The following ERP29 variants were observed in gnomAD, a reference collection of about 807,000 sequenced individuals.
The protein encoded by ERP29 is endoplasmic reticulum protein 29.
In ERP29, 14 loss-of-function variants were observed where a neutral mutation model predicts 21.7. The observed-to-expected ratio is 0.64, with a 90% confidence interval of 0.43 to 1.01. The LOEUF is 1.01. Ranked by LOEUF, ERP29 falls within the 50% of genes least tolerant of loss-of-function variation. The pLI, the probability that ERP29 is intolerant of heterozygous loss-of-function variation, is 0.00. For synonymous variants in ERP29, 129 were observed against 139.1 expected, an observed-to-expected ratio of 0.93 and a Z score of 0.51; for missense variants, 286 against 327.3, an observed-to-expected ratio of 0.87 and a Z score of 0.97.
intron 1 of ERP29, among the ~76,000 whole-genome samples, chr12:112,018,092 T>C (rs1318550689): frequency 1.3e-5 from 2 of 151,946 alleles, no homozygotes; most frequent in African/African-American, 2.4e-5. Context: ...GTCCAGAACA[T>C]TGTATCTTTG....
At chr12:112,019,991 G>C in intron 2 of ERP29, 97 bp downstream of exon 2, 1 of 1,457,530 alleles carries the variant, frequency 6.9e-7, no homozygotes, top group Non-Finnish European at 9.5e-7. Context: ...CTTTCCTTCT[G>C]AGCCACTCTC....
At chr12:112,016,876 C>G (rs1388009074) in intron 1 of ERP29, among the ~76,000 whole-genome samples, 1 of 151,704 alleles carries the variant, frequency 6.6e-6, no homozygotes, top group Non-Finnish European at 1.5e-5. Context: ...GGCAACAGAG[C>G]GAGACCCTGC....
At chr12:112,014,825 T>G (rs1293203899) in intron 1 of ERP29, 2 of 152,286 alleles carry the variant, frequency 1.3e-5, no homozygotes, top group Non-Finnish European at 2.9e-5. Context: ...TGAAGTCTCC[T>G]ATTTTCAAGC....
Position 112,022,511 on chromosome 12 carries a change from C to T in ERP29, c.645C>T (p.Asp215=), listed in dbSNP as rs1406390263. The T allele has an allele frequency of 6.2e-7, 1 of 1,614,032 alleles. No individual in the cohort carries two copies. Among genetic ancestry groups the T allele is most frequent in the East Asian group, 2.2e-5 (1 of 44,886 alleles). The change falls in exon 3 of 3, where the codon GAC becomes GAT. Residue 215 remains aspartate (D), a synonymous_variant. Coordinates refer to ENST00000261735, the MANE Select transcript of ERP29 (RefSeq NM_006817.4). ...IMGKILDQGE[D]FPASEMTRIA... ...GGAAGATCTTAGACCAAGGGGAGGA[C>T]TTCCCAGCATCAGAGATGACACGGA...
At chr12:112,016,931 A>G (rs1197577090) in intron 1 of ERP29, among the ~76,000 whole-genome samples, 1 of 152,068 alleles carries the variant, frequency 6.6e-6, no homozygotes, top group Non-Finnish European at 1.5e-5. Context: ...AACAAGAGAA[A>G]ATTCTTTATG....
At position 112,022,539 on chromosome 12, in the gene ERP29, G is replaced by A. The variant is rs1158594765; in HGVS notation, c.673G>A (p.Ala225Thr). Reference protein sequence around the residue: ...DFPASEMTRIARLIEKNKMSD... With the variant: ...DFPASEMTRITRLIEKNKMSD... ...CCCAGCATCAGAGATGACACGGATCGCCAGGCTGATTGAGAAGAACAAGAT... is the reference window on the plus strand; with the variant it reads ...CCCAGCATCAGAGATGACACGGATCACCAGGCTGATTGAGAAGAACAAGAT... Residue 225 changes from alanine to threonine, a missense_variant, in exon 3 of 3, where the codon GCC (alanine) becomes ACC (threonine). Coordinates refer to ENST00000261735, the MANE Select transcript of ERP29 (RefSeq NM_006817.4). 26 of 1,614,040 alleles carry A rather than the reference G, an allele frequency of 1.6e-5. No individual in the cohort carries two copies. The highest frequency in any genetic ancestry group is 5.5e-5 in the South Asian group (5 of 91,074).
At chr12:112,013,722 G>T (rs2077963221) in intron 1 of ERP29, 113 bp downstream of exon 1, 1 of 1,200,526 alleles carries the variant, frequency 8.3e-7, no homozygotes. Flanking sequence ...CTGTAGCAAC[G>T]GTCCCAGAGC....
chr12:112,017,084 C>T (rs1344082874), intron 1 of ERP29, among the ~76,000 whole-genome samples: 2 of 152,138 alleles, frequency 1.3e-5, no homozygotes. Flanking sequence ...AGTGCAGGCC[C>T]TTGAAAGTAG....
At chr12:112,016,241 T>C (rs2078011626) in intron 1 of ERP29, among the ~76,000 whole-genome samples, 1 of 152,248 alleles carries the variant, frequency 6.6e-6, no homozygotes, top group Non-Finnish European at 1.5e-5. Context: ...TTCTCCAGTC[T>C]CTTTTCAAAT....
intron 1 of ERP29, among the ~76,000 whole-genome samples, chr12:112,015,711 T>G (rs1388677012): frequency 6.6e-6 from 1 of 152,156 alleles, no homozygotes; most frequent in Non-Finnish European, 1.5e-5. Context: ...CTAGTCTAGG[T>G]CAACATTACA....
In ERP29 at chr12:112,022,346, A is replaced by T. The variant is rs565333335; in HGVS notation, c.480A>T (p.Val160=). 1 of 1,614,140 alleles carries T rather than the reference A, an allele frequency of 6.2e-7. No homozygotes were observed. The highest frequency in any genetic ancestry group is 1.7e-5 in the Admixed American group (1 of 60,020). The part of the protein sequence containing the change: ...VYLGMPGCLP[V]YDALAGEFIR... ...TAGGTATGCCTGGTTGCCTGCCTGT[A>T]TACGACGCCCTGGCCGGGGAGTTCA... is the stretch of plus-strand genomic sequence containing the variant. The change falls in exon 3 of 3, where the codon GTA becomes GTT. Residue 160 remains valine, a synonymous_variant. Coordinates refer to ENST00000261735, the MANE Select transcript of ERP29 (RefSeq NM_006817.4).
At chr12:112,021,217 C>T (rs1404855391) in intron 2 of ERP29, among the ~76,000 whole-genome samples, 1 of 151,598 alleles carries the variant, frequency 6.6e-6, no homozygotes, top group Non-Finnish European at 1.5e-5. Flanking sequence ...CAGCTCCAGC[C>T]AGACTGGTCT....
rs552236825 is a variant in ERP29 at position 112,023,126 on chromosome 12, C to T, written c.*474C>T. The stretch of plus-strand genomic sequence containing the variant: ...CATAACACTGTGGAAACTGGCATAC[C>T]TTTGTTATTTTCCAGTGATATTCAG... On this transcript the variant is annotated 3_prime_UTR_variant, in exon 3 of 3. Coordinates refer to ENST00000261735, the MANE Select transcript of ERP29 (RefSeq NM_006817.4). The T allele has an allele frequency of 6.5e-6, 1 of 153,848 alleles. No individual in the cohort carries two copies. Among genetic ancestry groups the T allele is most frequent in the East Asian group, 1.9e-4 (1 of 5,208 alleles). 9.5% of individuals were successfully genotyped at this position (153,848 alleles called of 1,614,324 possible).
In ERP29 at chr12:112,022,699, A is replaced by G. The variant is rs1188973163; in HGVS notation, c.*47A>G. The G allele has an allele frequency of 1.3e-6, 2 of 1,542,364 alleles. No homozygotes were observed. The highest frequency in any genetic ancestry group is 3.9e-5 in the Admixed American group (2 of 51,490). The stretch of plus-strand genomic sequence containing the variant: ...AGGGTTTGGTGGGGGTAGGGAGGGG[A>G]GAGTTAACCTGCTGGCTGTGAGTCC... On this transcript the variant is annotated 3_prime_UTR_variant, in exon 3 of 3. Coordinates refer to ENST00000261735, the MANE Select transcript of ERP29 (RefSeq NM_006817.4).
chr12:112,022,483 T>G lies in ERP29; in HGVS notation c.617T>G (p.Met206Arg). The G allele has an allele frequency of 6.2e-7, 1 of 1,614,128 alleles. No individual in the cohort carries two copies. Among genetic ancestry groups the G allele is most frequent in the Non-Finnish European group, 8.5e-7 (1 of 1,179,994 alleles). Residue 206 changes from methionine to arginine, a missense_variant, in exon 3 of 3, where the codon ATG (methionine) becomes AGG (arginine). Met to Arg is a moderately conservative substitution (Grantham distance 91). Coordinates refer to ENST00000261735, the MANE Select transcript of ERP29 (RefSeq NM_006817.4). Reference protein sequence around the residue: ...KKWAEQYLKIMGKILDQGEDF... With the variant: ...KKWAEQYLKIRGKILDQGEDF... ...TGGGCCGAGCAATACCTGAAGATCA[T>G]GGGGAAGATCTTAGACCAAGGGGAG...
chr12:112,013,565 C>T lies in ERP29; in HGVS notation c.100C>T (p.His34Tyr), dbSNP rs886272772. 21 of 1,611,312 alleles carry T rather than the reference C, an allele frequency of 1.3e-5. No individual in the cohort carries two copies. Among genetic ancestry groups the T allele is most frequent in the Non-Finnish European group, 1.7e-5 (20 of 1,178,924 alleles). ...CGCTCCGCATGGCGGCAGCGGCCTG[C>T]ACACCAAGGGCGCCCTTCCCCTGGA... is the stretch of plus-strand genomic sequence containing the variant. ...LSAPHGGSGL[H>Y]TKGALPLDTV... The change falls in exon 1 of 3, where the codon CAC becomes TAC. Residue 34 changes from histidine (H) to tyrosine (Y), a missense_variant. Coordinates refer to ENST00000261735, the MANE Select transcript of ERP29 (RefSeq NM_006817.4).
At chr12:112,017,386 G>A (rs1198115278) in intron 1 of ERP29, among the ~76,000 whole-genome samples, 1 of 152,192 alleles carries the variant, frequency 6.6e-6, no homozygotes, top group Admixed American at 6.5e-5. Flanking sequence ...TGAAAATGAA[G>A]CCATATTAGA....
At chr12:112,019,985 C>T in intron 2 of ERP29, 91 bp downstream of exon 2, 1 of 1,478,662 alleles carries the variant, frequency 6.8e-7, no homozygotes, top group Non-Finnish European at 9.4e-7. Context: ...CAGCATCTTT[C>T]CTTCTGAGCC....
rs774812875 is a variant in ERP29, at chr12:112,023,073, C to G, written c.*421C>G. ...CTTTGAATCTAAGCTGGTATAGACTCCACTTTCCCAGGGTAACAAACTATC... is the reference window on the plus strand; with the variant it reads ...CTTTGAATCTAAGCTGGTATAGACTGCACTTTCCCAGGGTAACAAACTATC... On this transcript the variant is annotated 3_prime_UTR_variant, in exon 3 of 3. Coordinates refer to ENST00000261735, the MANE Select transcript of ERP29 (RefSeq NM_006817.4). 3 of 161,550 alleles carry G rather than the reference C, an allele frequency of 1.9e-5. No individual in the cohort carries two copies. The highest frequency in any genetic ancestry group is 4.8e-5 in the African/African-American group (2 of 41,614). The allele number at this position is 161,550 out of a possible 1,614,324, so 10.0% of individuals were successfully genotyped here.
Sources: gnomAD v4.1 joint callset for allele counts (sites outside exome capture counted in the v4.1 genomes callset) on GRCh38, gnomAD v4.1.1 for gene constraint, MANE v1.5 for transcripts, NCBI Gene and HGNC (gene_info 2026-07-23, HGNC 2026-07-21) for gene names.